Variants in PPFIA2 observed in about 807,000 individuals in gnomAD.
PPFIA2 encodes liprin-alpha-2.
A neutral mutation model predicts 175.5 loss-of-function variants in PPFIA2; 46 were observed. The observed-to-expected ratio is 0.26, with a 90% CI of 0.21 to 0.34. The LOEUF (loss-of-function observed/expected upper bound fraction) is 0.34. PPFIA2 is among the 10% of genes least tolerant of loss of function. The pLI is 1.00. For missense variants in PPFIA2, 1,179 were observed against 1,506.1 expected (o/e 0.78, Z 3.60); for synonymous variants, 568 against 511.4 (o/e 1.11, Z -1.49).
At chr12:81,625,406 G>A (rs2062581534) in intron 4 of PPFIA2, among the ~76,000 whole-genome samples, 1 of 151,738 alleles carries the variant, frequency 6.6e-6, no homozygotes, top group Admixed American at 6.6e-5. Flanking sequence ...TTGTGAAGGA[G>A]GAATTTTCAC....
At chr12:81,357,404 G>A (rs1298793628) in intron 16 of PPFIA2, among the ~76,000 whole-genome samples, 1 of 152,046 alleles carries the variant, frequency 6.6e-6, no homozygotes, top group Non-Finnish European at 1.5e-5. Context: ...GAATAAAAGT[G>A]GTTGAAAGAA....
At chr12:81,410,933 C>A (rs547347622) in intron 7 of PPFIA2, among the ~76,000 whole-genome samples, 19 of 152,148 alleles carry the variant, frequency 1.2e-4, no homozygotes, top group African/African-American at 4.6e-4. Context: ...GGTCCTGATT[C>A]TAGGCATCCT....
intron 4 of PPFIA2, among the ~76,000 whole-genome samples, chr12:81,505,384 G>C (rs967529263): frequency 6.6e-6 from 1 of 152,112 alleles, no homozygotes; most frequent in African/African-American, 2.4e-5. Flanking sequence ...GGCTGTTAAT[G>C]CTTCATCTTG....
chr12:81,573,179 T>C (rs919054882), intron 4 of PPFIA2, among the ~76,000 whole-genome samples: 2 of 151,990 alleles, frequency 1.3e-5, no homozygotes, highest in African/African-American at 2.4e-5. Flanking sequence ...AGAAACAGCA[T>C]GTGTGTACTT....
intron 4 of PPFIA2, among the ~76,000 whole-genome samples, chr12:81,619,507 T>TA (rs1327936445): frequency 5.9e-5 from 9 of 152,290 alleles, no homozygotes; most frequent in East Asian, 1.9e-4. Flanking sequence ...TGCAAGATAG[T>TA]AAAAAAATCT....
chr12:81,753,659 A>G (rs965487316), intron 3 of PPFIA2, among the ~76,000 whole-genome samples: 1 of 152,204 alleles, frequency 6.6e-6, no homozygotes, highest in Non-Finnish European at 1.5e-5. Context: ...AGATAAAACT[A>G]TCTCCACATT....
At chr12:81,632,973 G>A (rs1423535022) in intron 4 of PPFIA2, among the ~76,000 whole-genome samples, 5 of 151,982 alleles carry the variant, frequency 3.3e-5, no homozygotes, top group Admixed American at 2.0e-4. Context: ...CTTAGTTTCT[G>A]CCTGACTAGG....
At chr12:81,269,312 G>A (rs2038373446) in intron 28 of PPFIA2, among the ~76,000 whole-genome samples, 1 of 152,078 alleles carries the variant, frequency 6.6e-6, no homozygotes, top group South Asian at 2.1e-4. Context: ...AAAGGGAAAG[G>A]AAACTATAAT....
intron 4 of PPFIA2, among the ~76,000 whole-genome samples, chr12:81,478,053 T>A (rs2057709585): frequency 6.6e-6 from 1 of 152,104 alleles, no homozygotes; most frequent in South Asian, 2.1e-4. Flanking sequence ...CTTTTTTTGG[T>A]TGGTAGGCTA....
chr12:81,275,782 T>TC (rs1377503411), intron 28 of PPFIA2, among the ~76,000 whole-genome samples: 2 of 151,004 alleles, frequency 1.3e-5, no homozygotes, highest in African/African-American at 4.8e-5. Flanking sequence ...TTTTCTTCTT[T>TC]TTTTTTTTTT....
intron 3 of PPFIA2, among the ~76,000 whole-genome samples, chr12:81,709,691 A>T (rs1377492193): frequency 6.6e-6 from 1 of 152,146 alleles, no homozygotes. Flanking sequence ...TAACAGCTAT[A>T]GGGTGTTCCA....
intron 4 of PPFIA2, among the ~76,000 whole-genome samples, chr12:81,479,845 CT>C (rs1218306781): frequency 1.3e-5 from 2 of 152,070 alleles, no homozygotes; most frequent in African/African-American, 2.4e-5. Context: ...AACATTTTTT[CT>C]TTCATTTCAA....
chr12:81,369,465 A>T (rs561931078), intron 11 of PPFIA2: 1 of 1,261,698 alleles, frequency 7.9e-7, no homozygotes, highest in East Asian at 4.3e-5. Flanking sequence ...CATGGTTTGA[A>T]CACAAACCTG....
intron 4 of PPFIA2, among the ~76,000 whole-genome samples, chr12:81,661,806 T>A (rs1723509912): frequency 6.6e-6 from 1 of 151,826 alleles, no homozygotes; most frequent in African/African-American, 2.4e-5. Flanking sequence ...GAAGTAAAGC[T>A]CTCCTCAGCA....
chr12:81,498,106 C>G (rs541440605), intron 4 of PPFIA2, among the ~76,000 whole-genome samples: 4 of 152,296 alleles, frequency 2.6e-5, no homozygotes, highest in Admixed American at 2.6e-4. Context: ...TAGTCTGTCA[C>G]AGATTTTTTT....
chr12:81,369,234 T>C (rs746374421), intron 11 of PPFIA2, 40 bp from the exon 12 acceptor site: 13 of 1,590,748 alleles, frequency 8.2e-6, no homozygotes, highest in Non-Finnish European at 1.1e-5. Flanking sequence ...AATGTAAGAT[T>C]TGGTTAACAC....
chr12:81,643,206 G>C (rs1330339253), intron 4 of PPFIA2, among the ~76,000 whole-genome samples: 2 of 151,422 alleles, frequency 1.3e-5, no homozygotes, highest in Non-Finnish European at 3.0e-5. Context: ...TTGGTTAAAA[G>C]TCAAAGGGAT....
intron 4 of PPFIA2, among the ~76,000 whole-genome samples, chr12:81,534,386 T>C (rs570717635): frequency 5.3e-5 from 8 of 151,772 alleles, no homozygotes; most frequent in African/African-American, 1.7e-4. Flanking sequence ...GTGATGGATA[T>C]CCTAAATGCC....
chr12:81,579,748 C>T (rs1428186722), intron 4 of PPFIA2, among the ~76,000 whole-genome samples: 1 of 151,820 alleles, frequency 6.6e-6, no homozygotes, highest in East Asian at 1.9e-4. Context: ...TTCCATTCAC[C>T]ATTCTTCACA....
Sources: gnomAD v4.1 joint callset for allele counts (sites outside exome capture counted in the v4.1 genomes callset) on GRCh38, gnomAD v4.1.1 for gene constraint, MANE v1.5 for transcripts, NCBI Gene and HGNC (gene_info 2026-07-23, HGNC 2026-07-21) for gene names.